LHFPL6: variants seen among roughly 807,000 people sequenced by gnomAD.
LHFPL6 encodes LHFPL tetraspan subfamily member 6 protein.
In LHFPL6, 9 loss-of-function variants were observed where a neutral mutation model predicts 20.6. The ratio of observed to expected loss-of-function variants is 0.44; its 90% CI spans 0.26 to 0.76. The LOEUF (loss-of-function observed/expected upper bound fraction) is 0.76. Among genes scored for constraint, LHFPL6 ranks in the 30% least tolerant of loss-of-function variants. The pLI is 0.20. For missense variants in LHFPL6, 218 were observed against 253.5 expected, an observed-to-expected ratio of 0.86 and a Z score of 0.95; for synonymous variants, 105 against 98.7, an observed-to-expected ratio of 1.06 and a Z score of -0.38.
At chr13:39,543,617 A>AT (rs1870880085) in intron 2 of LHFPL6, among the ~76,000 whole-genome samples, 2 of 132,686 alleles carry the variant, frequency 1.5e-5, no homozygotes, top group African/African-American at 5.8e-5. Context: ...CCCCCCGCAG[A>AT]CAAAAATTTT....
chr13:39,536,306 C>T (rs1330423466), intron 2 of LHFPL6, among the ~76,000 whole-genome samples: 5 of 152,178 alleles, frequency 3.3e-5, no homozygotes, highest in Admixed American at 2.6e-4. Flanking sequence ...AGTCATACCA[C>T]TTGCTTTTGA....
intron 2 of LHFPL6, among the ~76,000 whole-genome samples, chr13:39,476,783 G>T (rs551398621): frequency 6.6e-6 from 1 of 152,258 alleles, no homozygotes; most frequent in East Asian, 1.9e-4. Context: ...TCTAAAACCT[G>T]TGAGGAGCCT....
At chr13:39,541,827 C>A (rs1033559713) in intron 2 of LHFPL6, among the ~76,000 whole-genome samples, 1 of 151,030 alleles carries the variant, frequency 6.6e-6, no homozygotes, top group South Asian at 2.1e-4. Flanking sequence ...CAGTGGCTCA[C>A]GCCTGTAATC....
At chr13:39,558,879 A>T (rs547648774) in intron 2 of LHFPL6, among the ~76,000 whole-genome samples, 1 of 152,360 alleles carries the variant, frequency 6.6e-6, no homozygotes, top group African/African-American at 2.4e-5. Context: ...TGACCTTTTT[A>T]AAATCCTTAC....
intron 2 of LHFPL6, among the ~76,000 whole-genome samples, chr13:39,588,566 G>A (rs1456759559): frequency 6.6e-6 from 1 of 152,198 alleles, no homozygotes; most frequent in Non-Finnish European, 1.5e-5. Flanking sequence ...GGGAACTGTA[G>A]TATGACACAC....
intron 2 of LHFPL6, among the ~76,000 whole-genome samples, chr13:39,473,343 A>AAC (rs1872996351): frequency 8.1e-6 from 1 of 122,878 alleles, no homozygotes; most frequent in South Asian, 2.8e-4. Flanking sequence ...ATCACACACA[A>AAC]ACACACACAC....
intron 2 of LHFPL6, among the ~76,000 whole-genome samples, chr13:39,515,335 T>C (rs1266716937): frequency 6.6e-6 from 1 of 152,122 alleles, no homozygotes; most frequent in Non-Finnish European, 1.5e-5. Context: ...TGAAAGAAAA[T>C]AAAGCTTGAA....
At chr13:39,583,630 G>A (rs1872357352) in intron 2 of LHFPL6, among the ~76,000 whole-genome samples, 1 of 152,196 alleles carries the variant, frequency 6.6e-6, no homozygotes, top group African/African-American at 2.4e-5. Flanking sequence ...ACTAGCATAA[G>A]TGAAAGAATC....
intron 3 of LHFPL6, among the ~76,000 whole-genome samples, chr13:39,361,427 C>T (rs1197681570): frequency 6.6e-6 from 1 of 152,092 alleles, no homozygotes; most frequent in Non-Finnish European, 1.5e-5. Context: ...ATGTGATTCT[C>T]CTGCCTCAGT....
At chr13:39,593,975 TTAA>T (rs1350619838) in intron 2 of LHFPL6, among the ~76,000 whole-genome samples, 1 of 152,152 alleles carries the variant, frequency 6.6e-6, no homozygotes, top group Non-Finnish European at 1.5e-5. Flanking sequence ...TCAAGATGGA[TTAA>T]AGACTTAAAC....
At chr13:39,553,430 G>A (rs949592381) in intron 2 of LHFPL6, among the ~76,000 whole-genome samples, 4 of 152,146 alleles carry the variant, frequency 2.6e-5, no homozygotes, top group African/African-American at 4.8e-5. Flanking sequence ...CTTCAGGCAC[G>A]GCCAGGCATG....
chr13:39,392,238 A>G (rs1870727102), intron 2 of LHFPL6, among the ~76,000 whole-genome samples: 3 of 152,226 alleles, frequency 2.0e-5, no homozygotes, highest in Admixed American at 1.3e-4. Context: ...ACAATGACTC[A>G]TATCTTTTCA....
intron 2 of LHFPL6, among the ~76,000 whole-genome samples, chr13:39,538,193 T>G (rs1870686587): frequency 6.6e-6 from 1 of 151,690 alleles, no homozygotes; most frequent in African/African-American, 2.4e-5. Flanking sequence ...TTTCACCATG[T>G]TGGGCAGGCT....
At chr13:39,502,846 GTAATAAATACATTT>G (rs1869339451) in intron 2 of LHFPL6, among the ~76,000 whole-genome samples, 2 of 152,086 alleles carry the variant, frequency 1.3e-5, no homozygotes, top group Admixed American at 6.6e-5. Context: ...CTTTTCCAGA[GTAATAAATACATTT>G]TCTTTTTTAA....
intron 2 of LHFPL6, among the ~76,000 whole-genome samples, chr13:39,522,422 T>C (rs918053482): frequency 6.7e-6 from 1 of 148,914 alleles, no homozygotes; most frequent in Non-Finnish European, 1.5e-5. Context: ...AGTCCAAGTT[T>C]TAAACCCAAC....
intron 2 of LHFPL6, among the ~76,000 whole-genome samples, chr13:39,535,899 A>C (rs1368936804): frequency 6.6e-6 from 1 of 152,212 alleles, no homozygotes; most frequent in Non-Finnish European, 1.5e-5. Flanking sequence ...GACCATTAGC[A>C]TTCTAAATAA....
intron 2 of LHFPL6, among the ~76,000 whole-genome samples, chr13:39,492,634 A>T (rs974819883): frequency 5.9e-5 from 9 of 152,076 alleles, no homozygotes. Context: ...TTTTTATATT[A>T]TAAGCAATGT....
At chr13:39,438,558 T>C (rs1225188911) in intron 2 of LHFPL6, among the ~76,000 whole-genome samples, 1 of 152,240 alleles carries the variant, frequency 6.6e-6, no homozygotes, top group East Asian at 1.9e-4. Context: ...GATAAAGGCC[T>C]TGAAGGCATT....
intron 2 of LHFPL6, among the ~76,000 whole-genome samples, chr13:39,536,321 C>A (rs1233815141): frequency 6.6e-6 from 1 of 152,066 alleles, no homozygotes; most frequent in African/African-American, 2.4e-5. Context: ...TTTTGATGGC[C>A]ACGGAGTTGT....
Sources: gnomAD v4.1 joint callset for allele counts (sites outside exome capture counted in the v4.1 genomes callset) on GRCh38, gnomAD v4.1.1 for gene constraint, MANE v1.5 for transcripts, NCBI Gene and HGNC (gene_info 2026-07-23, HGNC 2026-07-21) for gene names.